SLC38A9: variants seen among roughly 807,000 people sequenced by gnomAD.
The protein encoded by SLC38A9 is solute carrier family 38 member 9.
In SLC38A9, 48 loss-of-function variants were observed where a neutral mutation model predicts 62.3. The observed-to-expected ratio is 0.77, with a 90% CI of 0.61 to 0.98. The LOEUF is 0.98. Ranked by LOEUF, SLC38A9 falls within the 50% of genes least tolerant of loss-of-function variation. The pLI, the probability that SLC38A9 is intolerant of heterozygous loss-of-function variation, is 0.00. For missense variants in SLC38A9, 541 were observed against 679.8 expected, an observed-to-expected ratio of 0.80 and a Z score of 2.27; for synonymous variants, 204 against 227.7, an observed-to-expected ratio of 0.90 and a Z score of 0.94.
At chr5:55,663,502 G>A (rs995422086) in intron 8 of SLC38A9, among the ~76,000 whole-genome samples, 1 of 152,020 alleles carries the variant, frequency 6.6e-6, no homozygotes. Context: ...TTGGGAGGCC[G>A]AGGTGGGAGG....
chr5:55,694,194 T>C, intron 3 of SLC38A9: 1 of 200,728 alleles, frequency 5.0e-6, no homozygotes, highest in Non-Finnish European at 9.8e-6. Context: ...GGCTACAGAG[T>C]GAGACCCTGT....
intron 3 of SLC38A9, among the ~76,000 whole-genome samples, chr5:55,679,915 C>T (rs1752744838): frequency 6.6e-6 from 1 of 152,300 alleles, no homozygotes; most frequent in East Asian, 1.9e-4. Flanking sequence ...TTGTCTCAAT[C>T]TACTTAAGTG....
chr5:55,677,798 G>A (rs1752326532), intron 3 of SLC38A9, among the ~76,000 whole-genome samples: 2 of 151,732 alleles, frequency 1.3e-5, no homozygotes, highest in African/African-American at 2.4e-5. Flanking sequence ...CAAAATGCTG[G>A]AATTACAGGT....
chr5:55,676,851 T>TAA (rs34474052), intron 3 of SLC38A9, among the ~76,000 whole-genome samples: 64 of 150,452 alleles, frequency 4.3e-4, no homozygotes, highest in South Asian at 6.3e-4. Flanking sequence ...GTAGTTGCTT[T>TAA]AAAAAAAAAA....
intron 14 of SLC38A9, among the ~76,000 whole-genome samples, chr5:55,629,497 T>C (rs764278510): frequency 6.6e-6 from 1 of 152,204 alleles, no homozygotes; most frequent in Non-Finnish European, 1.5e-5. Context: ...AAATATTCTA[T>C]GTGATCAAAT....
At chr5:55,644,674 C>A (rs376650092) in intron 12 of SLC38A9, among the ~76,000 whole-genome samples, 1 of 152,070 alleles carries the variant, frequency 6.6e-6, no homozygotes, top group African/African-American at 2.4e-5. Flanking sequence ...CCGCCTTGGC[C>A]TCCTGAAGTG....
At chr5:55,675,269 C>CT (rs1273781511) in intron 3 of SLC38A9, 1 of 152,192 alleles carries the variant, frequency 6.6e-6, no homozygotes, top group African/African-American at 2.4e-5. Flanking sequence ...CTTGACTACT[C>CT]TGAGGGCAGA....
At chr5:55,666,554 A>T (rs1237573886) in intron 7 of SLC38A9, among the ~76,000 whole-genome samples, 1 of 152,066 alleles carries the variant, frequency 6.6e-6, no homozygotes, top group African/African-American at 2.4e-5. Context: ...AGAATATGAG[A>T]ATTCACATCT....
chr5:55,650,625 C>T (rs535870322), intron 10 of SLC38A9, among the ~76,000 whole-genome samples: 4 of 152,310 alleles, frequency 2.6e-5, no homozygotes, highest in African/African-American at 9.6e-5. Context: ...GAAAACAGGA[C>T]GCCAGAGCTT....
intron 2 of SLC38A9, chr5:55,704,289 G>A (rs1010008574): frequency 5.9e-5 from 9 of 152,118 alleles, no homozygotes; most frequent in African/African-American, 2.2e-4. Context: ...ATTTAGAATT[G>A]TATTATAGCT....
intron 3 of SLC38A9, among the ~76,000 whole-genome samples, chr5:55,686,641 A>T (rs1295060747): frequency 6.6e-6 from 1 of 151,626 alleles, no homozygotes; most frequent in African/African-American, 2.4e-5. Flanking sequence ...CCATTTGTCA[A>T]TTTTTCCTTT....
chr5:55,633,229 A>C, intron 14 of SLC38A9, among the ~76,000 whole-genome samples: 1 of 150,834 alleles, frequency 6.6e-6, no homozygotes, highest in African/African-American at 2.4e-5. Context: ...CTGGTCTTGA[A>C]CTCCTGGGCT....
At chr5:55,682,976 GA>G (rs1561406046) in intron 3 of SLC38A9, among the ~76,000 whole-genome samples, 2 of 140,452 alleles carry the variant, frequency 1.4e-5, no homozygotes, top group African/African-American at 5.1e-5. Flanking sequence ...GGCAGAGGAG[GA>G]AAAGAGGGAG....
At chr5:55,679,119 T>A (rs530214057) in intron 3 of SLC38A9, among the ~76,000 whole-genome samples, 49 of 139,660 alleles carry the variant, frequency 3.5e-4, no homozygotes, top group African/African-American at 1.3e-3. Flanking sequence ...TAATTAAAAA[T>A]TTCTATTATG....
At chr5:55,703,434 G>A (rs1257515753) in intron 2 of SLC38A9, among the ~76,000 whole-genome samples, 2 of 152,094 alleles carry the variant, frequency 1.3e-5, no homozygotes, top group African/African-American at 4.8e-5. Context: ...GACTCTTTGA[G>A]ACACAGATTC....
At chr5:55,632,399 C>T (rs913372461) in intron 14 of SLC38A9, among the ~76,000 whole-genome samples, 1 of 152,164 alleles carries the variant, frequency 6.6e-6, no homozygotes, top group South Asian at 2.1e-4. Context: ...GATCGCGCCA[C>T]TGCACTCCAG....
At chr5:55,669,501 T>C in intron 6 of SLC38A9, 56 bp downstream of exon 6, 1 of 1,476,920 alleles carries the variant, frequency 6.8e-7, no homozygotes, top group Non-Finnish European at 9.3e-7. Flanking sequence ...TTATAAAACT[T>C]ACAATATAAA....
chr5:55,697,769 C>A, intron 3 of SLC38A9, 77 bp downstream of exon 3: 1 of 661,798 alleles, frequency 1.5e-6, no homozygotes, highest in Non-Finnish European at 2.5e-6. Context: ...CAAATCTATA[C>A]ATGTTTGGTT....
At chr5:55,667,704 G>A (rs1353913578) in intron 7 of SLC38A9, among the ~76,000 whole-genome samples, 4 of 151,850 alleles carry the variant, frequency 2.6e-5, no homozygotes, top group Non-Finnish European at 5.9e-5. Context: ...TGAATTGGTG[G>A]AAGTTCTTCT....
Sources: gnomAD v4.1 joint callset for allele counts (sites outside exome capture counted in the v4.1 genomes callset) on GRCh38, gnomAD v4.1.1 for gene constraint, MANE v1.5 for transcripts, NCBI Gene and HGNC (gene_info 2026-07-23, HGNC 2026-07-21) for gene names.